Variants in ME1 observed in about 807,000 individuals in gnomAD.
ME1 encodes malic enzyme 1.
A neutral mutation model predicts 66.4 loss-of-function variants in ME1; 74 were observed. That is an observed-to-expected ratio of 1.11 (90% CI 0.92 to 1.35). The LOEUF is 1.35. ME1 is among the 40% of genes most tolerant of loss of function. The pLI is 0.00. For synonymous variants in ME1, 251 were observed against 235.6 expected (o/e 1.07, Z -0.60); for missense variants, 750 against 694.1 (o/e 1.08, Z -0.90).
At chr6:83,392,098 T>C (rs913041382) in intron 3 of ME1, among the ~76,000 whole-genome samples, 6 of 152,246 alleles carry the variant, frequency 3.9e-5, no homozygotes, top group Admixed American at 6.5e-5. Flanking sequence ...CAAAAAATAA[T>C]TGTTGCAGCT....
chr6:83,296,799 G>T (rs969350518), intron 6 of ME1, among the ~76,000 whole-genome samples: 1 of 152,188 alleles, frequency 6.6e-6, no homozygotes, highest in South Asian at 2.1e-4. Context: ...TCCTTCATTT[G>T]ATAAACAACT....
chr6:83,254,214 A>G (rs1790767677), intron 6 of ME1, among the ~76,000 whole-genome samples: 1 of 152,222 alleles, frequency 6.6e-6, no homozygotes, highest in Non-Finnish European at 1.5e-5. Flanking sequence ...GCTGAAAGAT[A>G]AAAAAGAAAA....
chr6:83,281,100 G>C (rs1453402320), intron 6 of ME1, among the ~76,000 whole-genome samples: 1 of 152,096 alleles, frequency 6.6e-6, no homozygotes, highest in African/African-American at 2.4e-5. Context: ...CACATTAAAA[G>C]GTGTTTAGAA....
At position 83,248,980 on chromosome 6, in the gene ME1, A is replaced by G. The variant is rs114474120; in HGVS notation, c.814+4649T>C. Among the ~76,000 whole-genome samples the G allele has an allele frequency of 2.6e-3, 389 of 152,282 alleles. 2 individuals are homozygous for G. Among genetic ancestry groups the G allele is most frequent in the African/African-American group, 9.0e-3 (375 of 41,564 alleles). ...GAAATCCTATATTTGCTTTTCATGA[A>G]TACTCAAAAAGAAATTTAATATAAA... On this transcript the variant is annotated intron_variant, in intron 7 of 13. Coordinates refer to ENST00000369705, the MANE Select transcript of ME1 (RefSeq NM_002395.6).
At chr6:83,366,242 T>C (rs915731890) in intron 3 of ME1, among the ~76,000 whole-genome samples, 2 of 152,218 alleles carry the variant, frequency 1.3e-5, no homozygotes, top group Non-Finnish European at 2.9e-5. Context: ...TCCAGCTCCT[T>C]TTCACTGCTA....
intron 1 of ME1, among the ~76,000 whole-genome samples, chr6:83,416,669 G>A (rs1056521028): frequency 2.0e-5 from 3 of 152,156 alleles, no homozygotes; most frequent in South Asian, 2.1e-4. Flanking sequence ...CAGGAGGATC[G>A]CTTGAGCTCA....
chr6:83,385,164 C>G (rs929761346), intron 3 of ME1, among the ~76,000 whole-genome samples: 3 of 151,830 alleles, frequency 2.0e-5, no homozygotes, highest in Admixed American at 2.0e-4. Flanking sequence ...AATGACACTT[C>G]AAAACCATGG....
chr6:83,217,288 G>A (rs1345618301), intron 12 of ME1, among the ~76,000 whole-genome samples: 2 of 152,156 alleles, frequency 1.3e-5, no homozygotes, highest in Non-Finnish European at 2.9e-5. Context: ...ATCTAAATCA[G>A]CTTATACCTA....
intron 6 of ME1, among the ~76,000 whole-genome samples, chr6:83,283,650 G>A (rs1224469349): frequency 2.0e-5 from 3 of 152,008 alleles, no homozygotes; most frequent in Non-Finnish European, 4.4e-5. Context: ...AAAGAAATAT[G>A]CGATTATATA....
chr6:83,323,510 CA>C (rs70987748), intron 5 of ME1, among the ~76,000 whole-genome samples: 49,145 of 147,668 alleles, frequency 0.33, 8,365 homozygotes, highest in Middle Eastern at 0.48. Flanking sequence ...AAACAAAAAA[CA>C]AAAAAAAAAC....
chr6:83,271,118 C>T (rs768968206), intron 6 of ME1, among the ~76,000 whole-genome samples: 19 of 151,938 alleles, frequency 1.3e-4, no homozygotes, highest in Non-Finnish European at 1.5e-4. Context: ...GGTCTCAAGA[C>T]GAATGGGCCC....
intron 2 of ME1, 72 bp downstream of exon 2, chr6:83,407,696 T>C (rs149255830): frequency 2.2e-6 from 3 of 1,366,510 alleles, no homozygotes; most frequent in East Asian, 2.5e-5. Context: ...GTTTTCATTT[T>C]CTCACCCAAT....
At position 83,228,948 on chromosome 6, in the gene ME1, A is replaced by G; in HGVS notation, c.1027-17T>C. 1 of 1,556,562 alleles carries G rather than the reference A, an allele frequency of 6.4e-7. No homozygotes were observed. The highest frequency in any genetic ancestry group is 8.7e-7 in the Non-Finnish European group (1 of 1,144,822). On this transcript the variant is annotated splice_polypyrimidine_tract_variant and intron_variant, in intron 9 of 13. Transcript: ENST00000369705. ...AGCACGTCCCTAAGTAAAGCCAGTA[A>G]GAAAAAATTAAGAATCTGCCAAACA...
intron 3 of ME1, among the ~76,000 whole-genome samples, chr6:83,353,311 C>T (rs1768833858): frequency 6.6e-6 from 1 of 152,140 alleles, no homozygotes; most frequent in Non-Finnish European, 1.5e-5. Flanking sequence ...GCTTATTTTG[C>T]TAAATGTCTA....
intron 5 of ME1, among the ~76,000 whole-genome samples, chr6:83,333,547 TAA>T (rs1768457273): frequency 1.3e-5 from 2 of 152,306 alleles, no homozygotes; most frequent in South Asian, 2.1e-4. Flanking sequence ...CATTATGAGT[TAA>T]AGACCATAAA....
intron 6 of ME1, among the ~76,000 whole-genome samples, chr6:83,269,725 C>G (rs1767052468): frequency 6.6e-6 from 1 of 152,030 alleles, no homozygotes; most frequent in Admixed American, 6.6e-5. Context: ...TGCTCTTGTC[C>G]TCGGAGACTA....
At chr6:83,216,046 C>T (rs1168092979) in intron 13 of ME1, among the ~76,000 whole-genome samples, 1 of 152,108 alleles carries the variant, frequency 6.6e-6, no homozygotes, top group Non-Finnish European at 1.5e-5. Context: ...TGCCTTCCGC[C>T]CAGTATTATC....
intron 2 of ME1, among the ~76,000 whole-genome samples, chr6:83,403,421 C>T (rs903723897): frequency 6.6e-6 from 1 of 152,164 alleles, no homozygotes; most frequent in African/African-American, 2.4e-5. Context: ...TCCACATAGA[C>T]AGCACATTCT....
chr6:83,401,020 C>T (rs1769828029), intron 2 of ME1, among the ~76,000 whole-genome samples: 1 of 152,170 alleles, frequency 6.6e-6, no homozygotes, highest in African/African-American at 2.4e-5. Flanking sequence ...TATCACCCAA[C>T]TCAACAATGC....
Sources: gnomAD v4.1 joint callset for allele counts (sites outside exome capture counted in the v4.1 genomes callset) on GRCh38, gnomAD v4.1.1 for gene constraint, MANE v1.5 for transcripts, NCBI Gene and HGNC (gene_info 2026-07-23, HGNC 2026-07-21) for gene names.